The following RBMS3 variants were observed in gnomAD, a reference collection of about 807,000 sequenced individuals.
RBMS3 encodes RNA-binding motif, single-stranded-interacting protein 3.
Under a neutral mutation model 66.8 loss-of-function variants are expected in RBMS3, and 27 were observed. The ratio of observed to expected loss-of-function variants is 0.40; its 90% CI spans 0.30 to 0.56. The LOEUF is 0.56. Ranked by LOEUF, RBMS3 falls within the 20% of genes least tolerant of loss-of-function variation. The pLI, the probability that RBMS3 is intolerant of heterozygous loss-of-function variation, is 0.40. For missense variants in RBMS3, 513 were observed against 549.5 expected (o/e 0.93, Z 0.66); for synonymous variants, 188 against 183.0 (o/e 1.03, Z -0.22).
intron 6 of RBMS3, among the ~76,000 whole-genome samples, chr3:29,772,725 C>T (rs920187979): frequency 2.0e-5 from 3 of 151,900 alleles, no homozygotes; most frequent in Non-Finnish European, 4.4e-5. Flanking sequence ...CAGACGTCAC[C>T]TAGAAGAAAG....
At chr3:29,548,102 T>G (rs982927592) in intron 3 of RBMS3, among the ~76,000 whole-genome samples, 9 of 152,016 alleles carry the variant, frequency 5.9e-5, no homozygotes, top group Admixed American at 5.9e-4. Flanking sequence ...TAAGACAGAT[T>G]GAAATTTTTC....
At position 29,317,483 on chromosome 3, in the gene RBMS3, T is replaced by C. The variant is rs568925879; in HGVS notation, c.75+35727T>C. On this transcript the variant is annotated intron_variant, in intron 1 of 14. Transcript: ENST00000383767. The stretch of plus-strand genomic sequence containing the variant: ...TTGCGACAACAGAAGGAATGTGTAA[T>C]GAATTCACAGCCATTCAGAAGCCGC... 1.7e-3 allele frequency among the ~76,000 whole-genome samples: 255 copies of C among 151,824 alleles called. 1 individual carries two copies. Among genetic ancestry groups the C allele is most frequent in the African/African-American group, 5.9e-3 (246 of 41,484 alleles).
intron 1 of RBMS3, among the ~76,000 whole-genome samples, chr3:29,431,598 G>A (rs945192642): frequency 1.4e-4 from 21 of 152,104 alleles, no homozygotes; most frequent in African/African-American, 4.3e-4. Flanking sequence ...GCCAAAAAAC[G>A]TTTATTTCAA....
chr3:29,704,765 T>C (rs2052796163), intron 4 of RBMS3, among the ~76,000 whole-genome samples: 1 of 152,228 alleles, frequency 6.6e-6, no homozygotes, highest in Admixed American at 6.5e-5. Flanking sequence ...ATTTAAAAAA[T>C]TGTTAGATAG....
chr3:29,901,989 T>C (rs1577102593), intron 10 of RBMS3, among the ~76,000 whole-genome samples: 1 of 151,758 alleles, frequency 6.6e-6, no homozygotes, highest in East Asian at 1.9e-4. Context: ...TGAGGTTAAG[T>C]CACCCTATGA....
chr3:29,358,237 G>C (rs957078030), intron 1 of RBMS3, among the ~76,000 whole-genome samples: 2 of 152,160 alleles, frequency 1.3e-5, no homozygotes, highest in African/African-American at 4.8e-5. Context: ...ATGTAAGGAA[G>C]GGATCCAGTT....
intron 7 of RBMS3, among the ~76,000 whole-genome samples, chr3:29,874,710 G>T (rs1038082785): frequency 6.6e-6 from 1 of 152,148 alleles, no homozygotes; most frequent in Non-Finnish European, 1.5e-5. Flanking sequence ...CAAGCTCAAG[G>T]TTAATGGAAC....
chr3:29,847,749 G>A (rs1290729724), intron 6 of RBMS3, among the ~76,000 whole-genome samples: 2 of 151,872 alleles, frequency 1.3e-5, no homozygotes, highest in Admixed American at 1.3e-4. Context: ...TCCGCCTTCC[G>A]GGTTCACGCC....
At chr3:29,546,596 A>G (rs370065122) in intron 3 of RBMS3, among the ~76,000 whole-genome samples, 1 of 152,214 alleles carries the variant, frequency 6.6e-6, no homozygotes. Context: ...GGAAGAAAAA[A>G]TTGTTTTTCA....
chr3:29,838,197 G>A (rs1172288803), intron 6 of RBMS3, among the ~76,000 whole-genome samples: 1 of 139,026 alleles, frequency 7.2e-6, no homozygotes, highest in Non-Finnish European at 1.5e-5. Flanking sequence ...AAAAAAGCCA[G>A]CTGTGATGGT....
intron 12 of RBMS3, among the ~76,000 whole-genome samples, chr3:29,962,011 AT>A (rs1019349254): frequency 3.0e-4 from 44 of 145,290 alleles, no homozygotes; most frequent in African/African-American, 4.0e-4. Context: ...TATATTATAT[AT>A]TTTTATATAT....
At chr3:29,977,060 G>T in intron 12 of RBMS3, among the ~76,000 whole-genome samples, 1 of 152,086 alleles carries the variant, frequency 6.6e-6, no homozygotes, top group East Asian at 1.9e-4. Context: ...TCCTTTCAGA[G>T]GTGCATTTTT....
intron 1 of RBMS3, among the ~76,000 whole-genome samples, chr3:29,361,666 C>T (rs1204847579): frequency 7.9e-5 from 12 of 152,152 alleles, no homozygotes; most frequent in African/African-American, 2.9e-4. Flanking sequence ...TCCATTCTCC[C>T]CGTCACTTTC....
chr3:29,798,653 C>G (rs145200135), intron 6 of RBMS3, among the ~76,000 whole-genome samples: 1 of 152,200 alleles, frequency 6.6e-6, no homozygotes, highest in East Asian at 1.9e-4. Context: ...ATGCTTTTCA[C>G]CAAAGAATTT....
intron 3 of RBMS3, among the ~76,000 whole-genome samples, chr3:29,569,377 T>C (rs577950696): frequency 6.6e-6 from 1 of 152,180 alleles, no homozygotes; most frequent in South Asian, 2.1e-4. Flanking sequence ...TCAGCAAGCA[T>C]ACTAATTTAC....
chr3:29,641,606 A>C (rs967317422), intron 4 of RBMS3, among the ~76,000 whole-genome samples: 1 of 152,100 alleles, frequency 6.6e-6, no homozygotes, highest in East Asian at 1.9e-4. Context: ...AATGGCAATG[A>C]CTTTTAATTT....
rs774183193 is a variant in RBMS3 at position 29,281,190 on chromosome 3, T to TTTTCTTTC, written c.-482_-475dup. 16,875 of 145,710 alleles carry TTTTCTTTC rather than the reference T, an allele frequency of 0.12. 1,134 individuals are homozygous for TTTTCTTTC. The highest frequency in any genetic ancestry group is 0.22 in the South Asian group (972 of 4,394). 9.0% of individuals were successfully genotyped at this position (145,710 alleles called of 1,614,324 possible). ...CCTTTCTTTTTCTTTCTTTCTTTCT[T>TTTTCTTTC]TTTCTTTCTTTCTTTCTCTTTCTCT... On this transcript the variant is annotated 5_prime_UTR_variant, in exon 1 of 15. Transcript: ENST00000383767.
chr3:29,403,880 G>A (rs2039909908), intron 1 of RBMS3, among the ~76,000 whole-genome samples: 1 of 152,040 alleles, frequency 6.6e-6, no homozygotes, highest in African/African-American at 2.4e-5. Flanking sequence ...ATGTAGTTCT[G>A]AAACTGCCCA....
intron 4 of RBMS3, among the ~76,000 whole-genome samples, chr3:29,606,996 C>T (rs1213278132): frequency 6.6e-6 from 1 of 151,736 alleles, no homozygotes; most frequent in East Asian, 1.9e-4. Context: ...AATAATCTGA[C>T]AGAGAAAAAA....
Sources: gnomAD v4.1 joint callset for allele counts (sites outside exome capture counted in the v4.1 genomes callset) on GRCh38, gnomAD v4.1.1 for gene constraint, MANE v1.5 for transcripts, NCBI Gene and HGNC (gene_info 2026-07-23, HGNC 2026-07-21) for gene names.